CHM: variants seen among roughly 807,000 people sequenced by gnomAD.
CHM encodes CHM Rab escort protein, also known as rab proteins geranylgeranyltransferase component A 1.
CHM carries 10 observed loss-of-function variants against 49.0 expected under a neutral mutation model. That is an observed-to-expected ratio of 0.20 (90% confidence interval 0.13 to 0.35). The LOEUF is 0.35. Among genes scored for constraint, CHM ranks in the 10% least tolerant of loss-of-function variants. CHM has a pLI of 1.00. For synonymous variants in CHM, 184 were observed against 167.5 expected, an observed-to-expected ratio of 1.10 and a Z score of -0.76; for missense variants, 455 against 478.4, an observed-to-expected ratio of 0.95 and a Z score of 0.46.
intron 2 of CHM, among the ~76,000 whole-genome samples, chrX:85,987,139 T>A (rs1931959779): frequency 8.9e-6 from 1 of 111,737 alleles, no homozygotes; most frequent in African/African-American, 3.3e-5. Context: ...ATATAAACAA[T>A]ATGACTGAGA....
intron 11 of CHM, among the ~76,000 whole-genome samples, chrX:85,894,492 A>T (rs1925693489): frequency 8.9e-6 from 1 of 111,752 alleles, no homozygotes; most frequent in African/African-American, 3.2e-5. Context: ...TAACTTTTAA[A>T]TATCTTTAAT....
At chrX:85,958,149 T>A (rs1466528398) in intron 6 of CHM, among the ~76,000 whole-genome samples, 174 bp from the exon 7 acceptor site, 1 of 111,898 alleles carries the variant, frequency 8.9e-6, no homozygotes, top group African/African-American at 3.3e-5. Flanking sequence ...CAGAGCTAAT[T>A]GTGAGCTTTC....
chrX:85,894,852 T>C, intron 11 of CHM, among the ~76,000 whole-genome samples: 1 of 111,934 alleles, frequency 8.9e-6, no homozygotes, highest in East Asian at 2.8e-4. Flanking sequence ...CAATCTTGAT[T>C]ACTCATAATG....
At position 85,990,044 on chromosome X, in the gene CHM, T is replaced by A. The variant is rs988051182; in HGVS notation, c.117-8235A>T. Among the ~76,000 whole-genome samples, 17 of 112,285 alleles carry A rather than the reference T, an allele frequency of 1.5e-4. No individual in the cohort carries two copies. The South Asian group carries it at 2.3e-3, about 15-fold the overall frequency. ...CCATAAAGACACATGCATGCAAATG[T>A]TCACTGTAGCACTATTCCCAATAGC... On this transcript the variant is annotated intron_variant, in intron 2 of 14. Coordinates refer to ENST00000357749, the MANE Select transcript of CHM (RefSeq NM_000390.4).
chrX:85,913,014 GAAAAAAA>G (rs755460793), intron 8 of CHM, among the ~76,000 whole-genome samples: 4 of 38,253 alleles, frequency 1.0e-4, no homozygotes, highest in Admixed American at 4.1e-4. Flanking sequence ...CTCCATCTCA[GAAAAAAA>G]AAAAAAAAAA....
At chrX:86,036,681 T>C (rs1198926904) in intron 1 of CHM, among the ~76,000 whole-genome samples, 2 of 112,187 alleles carry the variant, frequency 1.8e-5, no homozygotes, top group Non-Finnish European at 3.8e-5. Context: ...TAAATATCTT[T>C]TCCTTGTCTC....
intron 8 of CHM, among the ~76,000 whole-genome samples, chrX:85,946,429 T>TAC (rs1556301904): frequency 0.055 from 6,081 of 111,054 alleles, 418 homozygotes; most frequent in African/African-American, 0.19. Context: ...CTGCACAACA[T>TAC]GCTCCCCATA....
At chrX:85,884,479 C>T (rs958870786) in intron 12 of CHM, among the ~76,000 whole-genome samples, 3 of 110,845 alleles carry the variant, frequency 2.7e-5, no homozygotes, top group Non-Finnish European at 5.7e-5. Context: ...TAAGGTTAGT[C>T]AAGTAGTTAG....
At chrX:85,930,172 C>G (rs1018501205) in intron 8 of CHM, among the ~76,000 whole-genome samples, 1 of 111,666 alleles carries the variant, frequency 9.0e-6, no homozygotes, top group African/African-American at 3.3e-5. Context: ...ACCTAACATG[C>G]CTTAAAGTGT....
chrX:86,031,521 T>C (rs1934044189), intron 1 of CHM, among the ~76,000 whole-genome samples: 1 of 112,206 alleles, frequency 8.9e-6, no homozygotes, highest in Admixed American at 9.4e-5. Context: ...TGTATAAAAC[T>C]GGAGCTTTAT....
chrX:85,890,515 C>T (rs1481478025), intron 12 of CHM, among the ~76,000 whole-genome samples: 4 of 111,206 alleles, frequency 3.6e-5, no homozygotes, highest in Admixed American at 1.9e-4. Context: ...ACGCTATTCT[C>T]GTGATAGTGA....
intron 14 of CHM, 82 bp from the exon 15 acceptor site, chrX:85,864,903 ATAAG>A: frequency 1.0e-6 from 1 of 964,081 alleles, no homozygotes; most frequent in Non-Finnish European, 1.4e-6. Flanking sequence ...CTAAAAAAAA[ATAAG>A]TGTTTTATCC....
chrX:85,912,844 T>A (rs1316667777), intron 8 of CHM, among the ~76,000 whole-genome samples: 1 of 104,600 alleles, frequency 9.6e-6, no homozygotes, highest in Non-Finnish European at 1.9e-5. Flanking sequence ...TGAAACCCCG[T>A]CTCTACTAAA....
intron 8 of CHM, among the ~76,000 whole-genome samples, chrX:85,915,831 T>G (rs1927420487): frequency 8.9e-6 from 1 of 112,635 alleles, no homozygotes; most frequent in South Asian, 3.6e-4. Context: ...TTCATGCTCA[T>G]GGATATGAAA....
intron 8 of CHM, among the ~76,000 whole-genome samples, chrX:85,938,544 CTTT>C (rs528393414): frequency 4.4e-5 from 4 of 91,188 alleles, no homozygotes; most frequent in Non-Finnish European, 2.2e-5. Flanking sequence ...GGTTCCTAAT[CTTT>C]TTTTTTTTTT....
At chrX:85,934,386 G>A (rs752042424) in intron 8 of CHM, among the ~76,000 whole-genome samples, 8 of 95,835 alleles carry the variant, frequency 8.3e-5, no homozygotes, top group South Asian at 5.4e-4. Flanking sequence ...TCAACACATC[G>A]TTTACATTAG....
chrX:85,877,345 A>G (rs753842064), intron 13 of CHM, among the ~76,000 whole-genome samples: 1 of 111,676 alleles, frequency 9.0e-6, no homozygotes, highest in East Asian at 2.8e-4. Context: ...AGGCACAGAA[A>G]GACAAACTTA....
At chrX:85,888,761 T>C (rs1477963213) in intron 12 of CHM, among the ~76,000 whole-genome samples, 1 of 112,025 alleles carries the variant, frequency 8.9e-6, no homozygotes, top group African/African-American at 3.2e-5. Flanking sequence ...CTTAGCAAGA[T>C]AGAAAACTTT....
At chrX:85,866,636 C>T (rs1242480253) in intron 14 of CHM, among the ~76,000 whole-genome samples, 1 of 113,038 alleles carries the variant, frequency 8.8e-6, no homozygotes, top group Non-Finnish European at 1.9e-5. Flanking sequence ...GTCACAGGCA[C>T]TCAATGCCAG....
Sources: gnomAD v4.1 joint callset for allele counts (sites outside exome capture counted in the v4.1 genomes callset) on GRCh38, gnomAD v4.1.1 for gene constraint, MANE v1.5 for transcripts, NCBI Gene and HGNC (gene_info 2026-07-23, HGNC 2026-07-21) for gene names.